Variants in TTN observed in about 807,000 individuals in gnomAD.
The protein encoded by TTN is titin, also known as connectin.
Under a neutral mutation model 3,223.0 loss-of-function variants are expected in TTN, and 1,525 were observed. The observed-to-expected ratio is 0.47, with a 90% confidence interval of 0.45 to 0.49. The LOEUF (loss-of-function observed/expected upper bound fraction) is 0.49, where lower values mean the gene tolerates loss of function less well. Ranked by LOEUF, TTN falls within the 20% of genes least tolerant of loss-of-function variation. The pLI is 0.00. For synonymous variants in TTN, 14,094 were observed against 15,161.0 expected (o/e 0.93, Z 5.17); for missense variants, 40,786 against 43,424.0 (o/e 0.94, Z 5.40).
chr2:178,703,857 T>C (rs1236715544), intron 106 of TTN, among the ~76,000 whole-genome samples: 2 of 152,232 alleles, frequency 1.3e-5, no homozygotes, highest in African/African-American at 4.8e-5. Flanking sequence ...TCTACAATCC[T>C]AGATATGAGA....
chr2:178,732,572 A>T lies in TTN; in HGVS notation c.16489T>A (p.Tyr5497Asn), dbSNP rs1279249843. 6.2e-7 allele frequency: 1 copy of T among 1,613,688 alleles called. No homozygotes were observed. ...CTCTCTAAAGCTTCTTTGGTAATAT[A>T]GCAGCTTCCACCAGAAACCAGCTCT... Reference protein sequence around the residue: ...NKELVSGGSCYITKEALESSL... With the variant: ...NKELVSGGSCNITKEALESSL... Residue 5497 changes from tyrosine (Y) to asparagine (N), a missense_variant, in exon 56 of 363, where the codon TAT becomes AAT. By Grantham distance (143) the Tyr-to-Asn change is moderately radical (BLOSUM62 -2). Coordinates refer to ENST00000589042, the MANE Select transcript of TTN (RefSeq NM_001267550.2).
rs761311859 is a variant in TTN at position 178,536,564 on chromosome 2, C to T, written c.100183G>A (p.Ala33395Thr). Residue 33395 changes from alanine (A) to threonine (T), a missense_variant, in exon 357 of 363, where the codon GCT (alanine) becomes ACT (threonine). Physicochemically the swap from Ala to Thr is moderately conservative, Grantham distance 58. Transcript: ENST00000589042. ...IIKSPFEKPG[A>T]PGKPTITAVT... is the part of the protein sequence containing the mutation. Reference sequence around the variant, plus strand: ...GCAGTAATAGTTGGTTTGCCAGGAGCACCTGGCTTTTCTATTAAACAAAAA... The same window carrying T: ...GCAGTAATAGTTGGTTTGCCAGGAGTACCTGGCTTTTCTATTAAACAAAAA... 2.7e-6 allele frequency: 4 copies of T among 1,494,118 alleles called. No homozygotes were observed. Among genetic ancestry groups the T allele is most frequent in the Non-Finnish European group, 3.5e-6 (4 of 1,127,770 alleles). The allele number at this position is 1,494,118 out of a possible 1,614,324, so 92.6% of individuals were successfully genotyped here.
At chr2:178,674,991 TAAGAC>T (rs1420331420) in intron 150 of TTN, 43 bp downstream of exon 150, 4 of 1,177,250 alleles carry the variant, frequency 3.4e-6, no homozygotes, top group Non-Finnish European at 4.7e-6. Context: ...TAGACAATAA[TAAGAC>T]AAGGATGACT....
intron 127 of TTN, among the ~76,000 whole-genome samples, chr2:178,686,861 AC>A (rs763499584): frequency 4.6e-5 from 7 of 152,242 alleles, no homozygotes; most frequent in Non-Finnish European, 8.8e-5. Flanking sequence ...AGTCTGGAGT[AC>A]TACAGGAAGT....
chr2:178,554,659 C>T lies in TTN; in HGVS notation c.88688G>A (p.Gly29563Asp), dbSNP rs1335432771. The T allele has an allele frequency of 1.9e-6, 3 of 1,613,768 alleles. No individual in the cohort carries two copies. The highest frequency in any genetic ancestry group is 2.2e-5 in the East Asian group (1 of 44,876). The part of the protein sequence containing the change: ...LLWRPPADDG[G>D]AKITHYIVEK... Reference sequence around the variant, plus strand: ...CACAATGTAGTGAGTGATTTTTGCACCACCATCATCAGCTGGAGGCCGCCA... The same window carrying T: ...CACAATGTAGTGAGTGATTTTTGCATCACCATCATCAGCTGGAGGCCGCCA... The change falls in exon 332 of 363, where the codon GGT becomes GAT. Residue 29563 changes from glycine (G) to aspartate (D), a missense_variant. Transcript: ENST00000589042.
chr2:178,553,623 T>C lies in TTN; in HGVS notation c.89382A>G (p.Glu29794=). ...CAGGTTTCAGGTTGGATACCACATA[T>C]TCTGTAGTTCTGACCTCTCCTTTGG... The part of the protein sequence containing the change: ...VSTKGEVRTT[E]YVVSNLKPGV... The change falls in exon 334 of 363, where the codon GAA becomes GAG. Residue 29794 remains glutamate (E), a synonymous_variant. Coordinates refer to ENST00000589042, the MANE Select transcript of TTN (RefSeq NM_001267550.2). 1 of 1,613,904 alleles carries C rather than the reference T, an allele frequency of 6.2e-7. No individual in the cohort carries two copies. Among genetic ancestry groups the C allele is most frequent in the Non-Finnish European group, 8.5e-7 (1 of 1,179,818 alleles).
chr2:178,753,352 A>G (rs113170531), intron 46 of TTN, 172 bp from the exon 47 acceptor site: 4 of 517,758 alleles, frequency 7.7e-6, no homozygotes, highest in African/African-American at 5.8e-5. Flanking sequence ...GATAAAACAC[A>G]TGACAATGTT....
In TTN at chr2:178,542,944, G is replaced by T; in HGVS notation, c.96910C>A (p.Pro32304Thr). 1 of 1,595,162 alleles carries T rather than the reference G, an allele frequency of 6.3e-7. No homozygotes were observed. The highest frequency in any genetic ancestry group is 8.6e-7 in the Non-Finnish European group (1 of 1,168,172). Residue 32304 changes from proline to threonine, a missense_variant, in exon 348 of 363, where the codon CCA (proline) becomes ACA (threonine). Pro to Thr is a conservative substitution (Grantham distance 38). Transcript: ENST00000589042. ...GGCATTGTAGAAAGATCGATTGTTGGCAACACTATGGGAAAGAAATCAGGC... is the reference window on the plus strand; with the variant it reads ...GGCATTGTAGAAAGATCGATTGTTGTCAACACTATGGGAAAGAAATCAGGC... ...AVTVQDLRVLPTIDLSTMPQK... is the reference protein window; with the variant it reads ...AVTVQDLRVLTTIDLSTMPQK...
Position 178,713,995 on chromosome 2 carries a change from T to C in TTN, c.26663A>G (p.Lys8888Arg). 1 of 1,613,678 alleles carries C rather than the reference T, an allele frequency of 6.2e-7. No homozygotes were observed. The highest frequency in any genetic ancestry group is 8.5e-7 in the Non-Finnish European group (1 of 1,179,706). The part of the protein sequence containing the change: ...ISFFNKVSGL[K>R]IINVAPSDSG... Reference sequence around the variant, plus strand: ...GTCACTCGGTGCTACATTGATGATCTTAAGGCCGGATACTTTGTTGAAGAA... The same window carrying C: ...GTCACTCGGTGCTACATTGATGATCCTAAGGCCGGATACTTTGTTGAAGAA... The change falls in exon 92 of 363, where the codon AAG (lysine) becomes AGG (arginine). Residue 8888 changes from lysine to arginine, a missense_variant. By Grantham distance (26) the Lys-to-Arg change is conservative. Coordinates refer to ENST00000589042, the MANE Select transcript of TTN (RefSeq NM_001267550.2).
chr2:178,703,020 CTG>C (rs1577682350), intron 106 of TTN, among the ~76,000 whole-genome samples: 1 of 152,310 alleles, frequency 6.6e-6, no homozygotes, highest in East Asian at 1.9e-4. Flanking sequence ...ACTTATTCCT[CTG>C]TGAAATTCTT....
In TTN at chr2:178,731,492, T is replaced by C. The variant is rs1389532263; in HGVS notation, c.17274A>G (p.Pro5758=). The C allele has an allele frequency of 6.2e-7, 1 of 1,613,680 alleles. No homozygotes were observed. The highest frequency in any genetic ancestry group is 8.5e-7 in the Non-Finnish European group (1 of 1,179,742). ...AFQATLKGSL[P]ITVTWLKDSD... Reference sequence around the variant, plus strand: ...TGTCTTTTAGCCAAGTCACCGTAATTGGCAAGGAGCCCTTCAGAGTGGCCT... The same window carrying C: ...TGTCTTTTAGCCAAGTCACCGTAATCGGCAAGGAGCCCTTCAGAGTGGCCT... The change falls in exon 59 of 363, where the codon CCA becomes CCG. Residue 5758 remains proline, a synonymous_variant. Coordinates refer to ENST00000589042, the MANE Select transcript of TTN (RefSeq NM_001267550.2).
rs775965000 is a variant in TTN at position 178,729,412 on chromosome 2, G to A, written c.18744C>T (p.Thr6248=). 32 of 1,613,442 alleles carry A rather than the reference G, an allele frequency of 2.0e-5. No individual in the cohort carries two copies. The South Asian group carries it at 2.3e-4, about 12-fold the overall frequency. The change falls in exon 64 of 363, where the codon ACC becomes ACT. Residue 6248 remains threonine (T), a synonymous_variant. Transcript: ENST00000589042. ...EIRSSKKYTL[T]DRVSVFNLHI... is the part of the protein sequence containing the mutation. ...GGAGGTTAAACACAGACACTCTGTC[G>A]GTCAATGTGTATTTTTTGCTGCTTC...
At chr2:178,752,166 T>C (rs1006021409) in intron 47 of TTN, 1 of 829,214 alleles carries the variant, frequency 1.2e-6, no homozygotes, top group East Asian at 2.6e-5. Flanking sequence ...ATAGAAAAAT[T>C]CACTCACCAT....
chr2:178,746,856 G>A (rs2083717548), intron 47 of TTN: 1 of 1,613,428 alleles, frequency 6.2e-7, no homozygotes, highest in Non-Finnish European at 8.5e-7. Context: ...AAAGATGGAG[G>A]CATTTCATTG....
Position 178,553,119 on chromosome 2 carries a change from A to G in TTN, c.89781T>C (p.Ser29927=). The G allele has an allele frequency of 6.2e-7, 1 of 1,611,738 alleles. No homozygotes were observed. The highest frequency in any genetic ancestry group is 8.5e-7 in the Non-Finnish European group (1 of 1,178,270). The change falls in exon 335 of 363, where the codon AGT becomes AGC. Residue 29927 remains serine, a synonymous_variant. Transcript: ENST00000589042. ...GVGEPKSSTV[S]VKVLDTPAAC... ...CAGCTGGTGTGTCAAGCACTTTAACACTCACAGTTGAAGACTTAGGTTCAC... is the reference window on the plus strand; with the variant it reads ...CAGCTGGTGTGTCAAGCACTTTAACGCTCACAGTTGAAGACTTAGGTTCAC...
In TTN at chr2:178,705,217, A is replaced by G; in HGVS notation, c.29561T>C (p.Phe9854Ser). 6.2e-7 allele frequency: 1 copy of G among 1,613,768 alleles called. No individual in the cohort carries two copies. Among genetic ancestry groups the G allele is most frequent in the Non-Finnish European group, 8.5e-7 (1 of 1,179,752 alleles). The change falls in exon 103 of 363, where the codon TTT (phenylalanine) becomes TCT (serine). Residue 9854 changes from phenylalanine (F) to serine (S), a missense_variant. Physicochemically the swap from Phe to Ser is radical, Grantham distance 155. Coordinates refer to ENST00000589042, the MANE Select transcript of TTN (RefSeq NM_001267550.2). The part of the protein sequence containing the change: ...ITDFRGLLQA[F>S]ELLKQSQEEE... The stretch of plus-strand genomic sequence containing the variant: ...TTCTTGGCTTTGCTTGAGCAGTTCA[A>G]ATGCTTGAAGAAGACCTCGGAAGTC...
Position 178,779,878 on chromosome 2 carries a change from G to A in TTN, c.3729+122C>T. The A allele has an allele frequency of 3.2e-6, 3 of 935,020 alleles. No homozygotes were observed. The South Asian group carries it at 4.9e-5, about 15-fold the overall frequency. 57.9% of individuals were successfully genotyped at this position (935,020 alleles called of 1,614,324 possible). A position where few individuals can be genotyped will look rare whatever the true frequency, so the allele number is the denominator to read the frequency against. On this transcript the variant is annotated intron_variant, in intron 22 of 362. Transcript: ENST00000589042. ...AAGATTAAGGAAACTTAGCAACAGT[G>A]AACTTGGACCTTCTAATAGCTGTCT...
At position 178,582,338 on chromosome 2, in the gene TTN, C is replaced by T. The variant is rs560375322; in HGVS notation, c.66118G>A (p.Asp22040Asn). 1.5e-5 allele frequency: 24 copies of T among 1,604,860 alleles called. No individual in the cohort carries two copies. Among genetic ancestry groups the T allele is most frequent in the East Asian group, 1.3e-4 (6 of 44,596 alleles). Residue 22040 changes from aspartate (D) to asparagine (N), a missense_variant, in exon 314 of 363, where the codon GAT becomes AAT. By Grantham distance (23) the Asp-to-Asn change is conservative. Coordinates refer to ENST00000589042, the MANE Select transcript of TTN (RefSeq NM_001267550.2). ...ICAENKYGVG[D>N]PVFTEPAIAK... ...ATTGCTGGTTCAGTGAAGACTGGAT[C>T]GCCTACTCCATATTTATTTTCAGCA...
rs1339604026 is a variant in TTN, at chr2:178,653,072, A to T, written c.38844T>A (p.Pro12948=). The change falls in exon 199 of 363, where the codon CCT becomes CCA. Residue 12948 remains proline (P), a synonymous_variant. Coordinates refer to ENST00000589042, the MANE Select transcript of TTN (RefSeq NM_001267550.2). ...CAGGTGGGACTTCAGGTTTTTTAGG[A>T]GGAGTCACTGGCACTTTCTTTTCAG... The part of the protein sequence containing the change: ...VVPEKKVPVT[P]PKKPEVPPVK... 1 of 1,613,190 alleles carries T rather than the reference A, an allele frequency of 6.2e-7. No individual in the cohort carries two copies. Among genetic ancestry groups the T allele is most frequent in the Admixed American group, 1.7e-5 (1 of 59,924 alleles).
Sources: gnomAD v4.1 joint callset for allele counts (sites outside exome capture counted in the v4.1 genomes callset) on GRCh38, gnomAD v4.1.1 for gene constraint, MANE v1.5 for transcripts, NCBI Gene and HGNC (gene_info 2026-07-23, HGNC 2026-07-21) for gene names.